Variants in RANGAP1 observed in about 807,000 individuals in gnomAD.
RANGAP1 encodes the protein Ran GTPase activating protein 1.
In RANGAP1, 38 loss-of-function variants were observed where a neutral mutation model predicts 63.5. That is an observed-to-expected ratio of 0.60 (90% CI 0.46 to 0.78). The LOEUF (loss-of-function observed/expected upper bound fraction) is 0.78, where lower values mean the gene tolerates loss of function less well. Ranked by LOEUF, RANGAP1 falls within the 30% of genes least tolerant of loss-of-function variation. The probability of loss-of-function intolerance (pLI) is 0.00; values close to 1 mark genes in which losing one functional copy is unlikely to be tolerated. For missense variants in RANGAP1, 630 were observed against 740.3 expected (o/e 0.85, Z 1.73); for synonymous variants, 329 against 310.5 (o/e 1.06, Z -0.63).
intron 4 of RANGAP1, among the ~76,000 whole-genome samples, chr22:41,265,071 G>C (rs1334730186): frequency 1.3e-5 from 2 of 152,236 alleles, no homozygotes; most frequent in Admixed American, 6.5e-5. Flanking sequence ...AAGGCTCCTT[G>C]TAAGAGGTGG....
the RANGAP1 span, among the ~76,000 whole-genome samples, chr22:41,292,934 T>C: frequency 1.3e-5 from 2 of 150,144 alleles, no homozygotes; most frequent in Non-Finnish European, 3.0e-5. Flanking sequence ...CAAAACTCTG[T>C]CTCTACAAAA....
At chr22:41,292,652 C>T in the RANGAP1 span, among the ~76,000 whole-genome samples, 552 of 151,926 alleles carry the variant, frequency 3.6e-3, 3 homozygotes, top group Non-Finnish European at 5.3e-3. Context: ...GAGGCTGAGA[C>T]AGGAGAATCG....
upstream of RANGAP1, among the ~76,000 whole-genome samples, chr22:41,290,601 C>T (rs554215901): frequency 6.6e-6 from 1 of 152,126 alleles, no homozygotes; most frequent in Non-Finnish European, 1.5e-5. Context: ...TCAGGAGAAG[C>T]AGAGAGTGTT....
the RANGAP1 span, among the ~76,000 whole-genome samples, chr22:41,299,998 G>A: frequency 4.0e-4 from 61 of 151,960 alleles, no homozygotes; most frequent in Middle Eastern, 3.4e-3. Flanking sequence ...TGATCCGCCC[G>A]CCTCAACCTC....
chr22:41,261,903 C>T lies in RANGAP1; in HGVS notation c.481-323G>A, dbSNP rs117061348. Among the ~76,000 whole-genome samples, 8 of 152,270 alleles carry T rather than the reference C, an allele frequency of 5.3e-5. No individual in the cohort carries two copies. The East Asian group carries it at 1.3e-3, about 26-fold the overall frequency. On this transcript the variant is annotated intron_variant, in intron 5 of 15. Coordinates refer to ENST00000356244, the MANE Select transcript of RANGAP1 (RefSeq NM_002883.4). Reference sequence around the variant, plus strand: ...TAGCCAGGTCCAGGGGAAGGACTTCCTAGTCAGCTCACTTCACTGTCTAAG... The same window carrying T: ...TAGCCAGGTCCAGGGGAAGGACTTCTTAGTCAGCTCACTTCACTGTCTAAG...
chr22:41,289,220 G>A (rs574068888), upstream of RANGAP1, among the ~76,000 whole-genome samples: 23 of 152,012 alleles, frequency 1.5e-4, no homozygotes, highest in East Asian at 3.9e-3. Context: ...CACTGTGGCC[G>A]GCCTCCTGAA....
At chr22:41,250,325 C>T (rs1018017856) in intron 13 of RANGAP1, among the ~76,000 whole-genome samples, 8 of 152,268 alleles carry the variant, frequency 5.3e-5, no homozygotes, top group Non-Finnish European at 4.4e-5. Flanking sequence ...GCCCTCCCCG[C>T]TTCGACGCCA....
rs1435308994 is a variant in RANGAP1, at chr22:41,251,129, T to C, written c.1381-20A>G. ...GTCAGTCTGAGGACAAAAGAGACAA[T>C]GGTTGGCCTGTGGCACGTGGTGGAG... On this transcript the variant is annotated intron_variant, in intron 12 of 15. Transcript: ENST00000356244. The C allele has an allele frequency of 1.2e-6, 2 of 1,605,210 alleles. No individual in the cohort carries two copies. The highest frequency in any genetic ancestry group is 1.7e-6 in the Non-Finnish European group (2 of 1,172,714).
chr22:41,288,326 GTTCTTGGCAGT>G (rs1303171119), upstream of RANGAP1, among the ~76,000 whole-genome samples: 1 of 152,212 alleles, frequency 6.6e-6, no homozygotes, highest in Non-Finnish European at 1.5e-5. Context: ...AGTTAACACT[GTTCTTGGCAGT>G]TTCCTCCTCA....
chr22:41,293,774 AAAAAAAAG>A, the RANGAP1 span, among the ~76,000 whole-genome samples: 4 of 86,570 alleles, frequency 4.6e-5, no homozygotes, highest in African/African-American at 8.4e-5. Flanking sequence ...AAAAAAAAAA[AAAAAAAAG>A]AAAAGAAATA....
At chr22:41,248,180 T>C (rs990477531) in intron 15 of RANGAP1, among the ~76,000 whole-genome samples, 10 of 104,932 alleles carry the variant, frequency 9.5e-5, no homozygotes, top group African/African-American at 1.5e-4. Flanking sequence ...GAGCACACTG[T>C]GCTGGGGTGG....
At chr22:41,268,263 T>C (rs1409265245) in intron 3 of RANGAP1, 107 bp from the exon 4 acceptor site, 2 of 1,010,558 alleles carry the variant, frequency 2.0e-6, no homozygotes, top group Non-Finnish European at 3.0e-6. Flanking sequence ...AAGACTTTTT[T>C]CTTTTTTTTG....
intron 3 of RANGAP1, among the ~76,000 whole-genome samples, chr22:41,272,177 CCTGTAGCCTT>C (rs1048663332): frequency 4.6e-5 from 7 of 152,190 alleles, no homozygotes; most frequent in Non-Finnish European, 1.0e-4. Flanking sequence ...CCTGCTGAGT[CCTGTAGCCTT>C]CAGGCCCATG....
At chr22:41,288,186 C>T (rs1422277457), upstream of RANGAP1, among the ~76,000 whole-genome samples, 2 of 152,076 alleles carry the variant, frequency 1.3e-5, no homozygotes, top group Admixed American at 1.3e-4. Context: ...CTCTTTCCAC[C>T]TTCCCTCTCC....
chr22:41,288,373 G>A (rs188465863), upstream of RANGAP1, among the ~76,000 whole-genome samples: 59 of 152,300 alleles, frequency 3.9e-4, no homozygotes, highest in African/African-American at 1.4e-3. Context: ...CAGAGCAGAC[G>A]CTGTATCCAT....
At position 41,264,707 on chromosome 22, in the gene RANGAP1, T is replaced by A; in HGVS notation, c.437A>T (p.Glu146Val). The A allele has an allele frequency of 6.2e-7, 1 of 1,613,836 alleles. No individual in the cohort carries two copies. The highest frequency in any genetic ancestry group is 2.2e-5 in the East Asian group (1 of 44,874). The part of the protein sequence containing the change: ...LKSSACFTLQ[E>V]LKLNNCGMGI... Reference sequence around the variant, plus strand: ...CATGCCACAGTTGTTGAGCTTGAGTTCCTGCAGGGTGAAGCAGGCTGAGCT... The same window carrying A: ...CATGCCACAGTTGTTGAGCTTGAGTACCTGCAGGGTGAAGCAGGCTGAGCT... The change falls in exon 5 of 16, where the codon GAA (glutamate) becomes GTA (valine). Residue 146 changes from glutamate to valine, a missense_variant. Glu to Val is a moderately radical substitution (Grantham distance 121). Around this residue, in one of 3 missense-constraint regions of RANGAP1, gnomAD observed 137 missense variants for 214.3 expected, o/e 0.64. Transcript: ENST00000356244.
At chr22:41,277,553 G>C (rs1371825777) in intron 2 of RANGAP1, 5 of 1,156,128 alleles carry the variant, frequency 4.3e-6, no homozygotes, top group Non-Finnish European at 5.7e-6. Flanking sequence ...AGATGGGTAT[G>C]GGAGATAAAG....
In RANGAP1 at chr22:41,258,062, G is replaced by C. The variant is rs2033950912; in HGVS notation, c.660C>G (p.Ile220Met). The change falls in exon 7 of 16, where the codon ATC becomes ATG. Residue 220 changes from isoleucine to methionine, a missense_variant. Coordinates refer to ENST00000356244, the MANE Select transcript of RANGAP1 (RefSeq NM_002883.4). Reference protein sequence around the residue: ...LEEVHMPQNGINHPGITALAQ... With the variant: ...LEEVHMPQNGMNHPGITALAQ... ...CCAGGGCAGTGATGCCAGGGTGGTT[G>C]ATCCCATTCTGTGGCATGTGGACCT... 6.2e-7 allele frequency: 1 copy of C among 1,613,316 alleles called. No homozygotes were observed.
At chr22:41,300,908 A>G in the RANGAP1 span, among the ~76,000 whole-genome samples, 1 of 152,128 alleles carries the variant, frequency 6.6e-6, no homozygotes, top group East Asian at 1.9e-4. Context: ...GCAGTTTCCT[A>G]TGCACTGGCG....
Sources: gnomAD v4.1 joint callset for allele counts (sites outside exome capture counted in the v4.1 genomes callset) on GRCh38, gnomAD v4.1.1 for gene constraint, gnomAD v4.1.1 regional missense constraint, MANE v1.5 for transcripts, NCBI Gene and HGNC (gene_info 2026-07-23, HGNC 2026-07-21) for gene names.